The following XIRP2 variants were observed in gnomAD, a reference collection of about 807,000 sequenced individuals.
XIRP2 encodes the protein xin actin-binding repeat-containing protein 2.
In XIRP2, 236 loss-of-function variants were observed where a neutral mutation model predicts 277.0. The ratio of observed to expected loss-of-function variants is 0.85; its 90% CI spans 0.77 to 0.95. The LOEUF is 0.95. Ranked by LOEUF, XIRP2 falls within the 40% of genes least tolerant of loss-of-function variation. The probability of loss-of-function intolerance (pLI) is 0.00; values close to 1 mark genes in which losing one functional copy is unlikely to be tolerated. For synonymous variants in XIRP2, 1,490 were observed against 1,416.5 expected (o/e 1.05, Z -1.17); for missense variants, 4,640 against 4,157.5 (o/e 1.12, Z -3.19).
intron 2 of XIRP2, among the ~76,000 whole-genome samples, chr2:167,035,555 G>C (rs1301178768): frequency 6.6e-6 from 1 of 152,136 alleles, no homozygotes. Context: ...AAGCAGCAAA[G>C]CATTCAAGAG....
chr2:167,063,484 A>G (rs1162761424), intron 2 of XIRP2, among the ~76,000 whole-genome samples: 3 of 151,936 alleles, frequency 2.0e-5, no homozygotes, highest in South Asian at 2.1e-4. Context: ...TATTCTATCA[A>G]TTAATGAGAA....
intron 2 of XIRP2, among the ~76,000 whole-genome samples, chr2:166,999,244 T>C (rs1229257467): frequency 1.3e-5 from 2 of 152,138 alleles, no homozygotes; most frequent in Non-Finnish European, 2.9e-5. Flanking sequence ...TATGCACATA[T>C]CTTGTGAAAT....
At chr2:167,195,861 A>T (rs995743224) in intron 3 of XIRP2, among the ~76,000 whole-genome samples, 1 of 152,200 alleles carries the variant, frequency 6.6e-6, no homozygotes, top group Non-Finnish European at 1.5e-5. Context: ...GGGCTGCAGG[A>T]GTAGGTCTGA....
At chr2:167,027,512 A>C (rs1574180229) in intron 2 of XIRP2, among the ~76,000 whole-genome samples, 1 of 152,152 alleles carries the variant, frequency 6.6e-6, no homozygotes, top group Non-Finnish European at 1.5e-5. Context: ...AACTCATCAA[A>C]GTCATTCTCC....
intron 3 of XIRP2, 113 bp downstream of exon 3, chr2:167,136,175 C>A: frequency 9.4e-7 from 1 of 1,067,954 alleles, no homozygotes; most frequent in Non-Finnish European, 1.2e-6. Flanking sequence ...AAAATAATGA[C>A]TGCATATAGT....
At chr2:167,063,645 T>C (rs1432187536) in intron 2 of XIRP2, among the ~76,000 whole-genome samples, 1 of 151,886 alleles carries the variant, frequency 6.6e-6, no homozygotes, top group East Asian at 1.9e-4. Context: ...ATTTTATCTT[T>C]TGATAAACTG....
intron 2 of XIRP2, among the ~76,000 whole-genome samples, chr2:167,133,911 A>G (rs913287943): frequency 6.6e-6 from 1 of 152,174 alleles, no homozygotes; most frequent in Non-Finnish European, 1.5e-5. Flanking sequence ...AGTTATGAAC[A>G]TATGGATTTT....
At chr2:166,949,735 G>GATC (rs1685978316) in intron 2 of XIRP2, among the ~76,000 whole-genome samples, 1 of 152,022 alleles carries the variant, frequency 6.6e-6, no homozygotes. Flanking sequence ...TCTAGGACCA[G>GATC]ATCATCAGTC....
Position 166,969,753 on chromosome 2 carries a change from G to GA in XIRP2, c.408+65875dup, listed in dbSNP as rs774324253. Among the ~76,000 whole-genome samples the GA allele has an allele frequency of 7.1e-3, 1,018 of 142,548 alleles. 4 individuals carry two copies. Among genetic ancestry groups the GA allele is most frequent in the Middle Eastern group, 0.018 (5 of 284 alleles). 93.5% of individuals were successfully genotyped at this position (142,548 alleles called of 152,430 possible). On this transcript the variant is annotated intron_variant, in intron 2 of 10. Transcript: ENST00000409195. ...TTCATTATGCCCTTTCCTTTGGGAG[G>GA]AAAAAAAAAAAAGTATAAACTGATG...
intron 3 of XIRP2, among the ~76,000 whole-genome samples, chr2:167,175,837 C>T (rs913598519): frequency 4.0e-5 from 6 of 149,856 alleles, no homozygotes; most frequent in African/African-American, 1.5e-4. Flanking sequence ...ATGCCCTGCC[C>T]CAAGAGGAGG....
At chr2:167,105,043 C>T (rs1246177342) in intron 2 of XIRP2, among the ~76,000 whole-genome samples, 2 of 151,932 alleles carry the variant, frequency 1.3e-5, no homozygotes, top group Non-Finnish European at 2.9e-5. Flanking sequence ...AATAGCAAAA[C>T]CCACTGGTGA....
intron 2 of XIRP2, among the ~76,000 whole-genome samples, chr2:167,008,856 C>A (rs964104417): frequency 7.3e-5 from 11 of 151,410 alleles, no homozygotes; most frequent in Admixed American, 2.0e-4. Flanking sequence ...ACTTTGGATA[C>A]ATTCAACAAA....
At chr2:167,253,429 C>G (rs1695571700) in intron 9 of XIRP2, among the ~76,000 whole-genome samples, 1 of 151,814 alleles carries the variant, frequency 6.6e-6, no homozygotes, top group South Asian at 2.1e-4. Context: ...GAGCATTTTA[C>G]TGTGTTCAGG....
chr2:167,255,243 A>G (rs1480284638), intron 10 of XIRP2, among the ~76,000 whole-genome samples: 1 of 151,818 alleles, frequency 6.6e-6, no homozygotes, highest in Non-Finnish European at 1.5e-5. Flanking sequence ...TGCTAGGCCA[A>G]ATCTCTCTGT....
At chr2:167,132,911 A>G (rs1241940977) in intron 2 of XIRP2, among the ~76,000 whole-genome samples, 1 of 152,136 alleles carries the variant, frequency 6.6e-6, no homozygotes, top group African/African-American at 2.4e-5. Context: ...CTTCGTTACT[A>G]TTTGCCTCCT....
chr2:167,109,087 G>A (rs1690681033), intron 2 of XIRP2, among the ~76,000 whole-genome samples: 1 of 151,806 alleles, frequency 6.6e-6, no homozygotes, highest in Non-Finnish European at 1.5e-5. Flanking sequence ...TGTTCTCATT[G>A]TTTATTACTC....
intron 3 of XIRP2, among the ~76,000 whole-genome samples, chr2:167,167,730 C>A (rs79664237): frequency 0.099 from 15,045 of 152,082 alleles, 798 homozygotes; most frequent in South Asian, 0.15. Context: ...CATATATAAT[C>A]AAATACATTA....
At chr2:167,007,579 G>C (rs1687536671) in intron 2 of XIRP2, among the ~76,000 whole-genome samples, 1 of 151,462 alleles carries the variant, frequency 6.6e-6, no homozygotes. Flanking sequence ...AGTTAGGTAA[G>C]TTGTATGTAC....
At chr2:167,206,772 T>C (rs1267225626) in intron 3 of XIRP2, among the ~76,000 whole-genome samples, 1 of 152,224 alleles carries the variant, frequency 6.6e-6, no homozygotes, top group Non-Finnish European at 1.5e-5. Context: ...ATTGTATTGT[T>C]ACACCGTCAT....
Sources: allele counts gnomAD v4.1 joint callset (sites outside exome capture counted in the v4.1 genomes callset), GRCh38; gene constraint gnomAD v4.1.1; transcripts MANE v1.5; gene names NCBI Gene and HGNC (gene_info 2026-07-23, HGNC 2026-07-21).